The following KHDRBS2 variants were observed in gnomAD, a reference collection of about 807,000 sequenced individuals.
KHDRBS2 encodes the protein KH domain-containing, RNA-binding, signal transduction-associated protein 2.
KHDRBS2 carries 26 observed loss-of-function variants against 44.3 expected under a neutral mutation model. The ratio of observed to expected loss-of-function variants is 0.59; its 90% CI spans 0.43 to 0.81. KHDRBS2 has a LOEUF of 0.81. Among genes scored for constraint, KHDRBS2 ranks in the 40% least tolerant of loss-of-function variants. KHDRBS2 has a pLI of 0.00. For missense variants in KHDRBS2, 476 were observed against 433.1 expected (o/e 1.10, Z -0.88); for synonymous variants, 194 against 151.1 (o/e 1.28, Z -2.08).
chr6:62,061,212 CATT>C (rs1380852644), intron 2 of KHDRBS2, among the ~76,000 whole-genome samples: 1 of 151,100 alleles, frequency 6.6e-6, no homozygotes, highest in African/African-American at 2.4e-5. Flanking sequence ...TTGATCCTGT[CATT>C]ATGATGTTAG....
chr6:61,788,753 A>C (rs1307633480), intron 6 of KHDRBS2, among the ~76,000 whole-genome samples: 1 of 151,350 alleles, frequency 6.6e-6, no homozygotes, highest in Admixed American at 6.6e-5. Context: ...AGTTTTACTG[A>C]AACCAAATTG....
chr6:61,958,373 T>A (rs961655709), intron 4 of KHDRBS2, among the ~76,000 whole-genome samples: 1 of 152,150 alleles, frequency 6.6e-6, no homozygotes, highest in Non-Finnish European at 1.5e-5. Flanking sequence ...TACTTTCCTG[T>A]TTTGGGGATA....
intron 8 of KHDRBS2, 43 bp from the exon 9 acceptor site, chr6:61,681,103 G>A (rs1766243235): frequency 7.4e-7 from 1 of 1,346,726 alleles, no homozygotes; most frequent in African/African-American, 1.4e-5. Context: ...TGACTTCACA[G>A]TTACCAAAAA....
At chr6:62,156,424 C>T (rs1308184367) in intron 2 of KHDRBS2, among the ~76,000 whole-genome samples, 2 of 151,964 alleles carry the variant, frequency 1.3e-5, no homozygotes, top group African/African-American at 4.8e-5. Context: ...GAACTAAAAG[C>T]AAGATGAAGT....
intron 2 of KHDRBS2, among the ~76,000 whole-genome samples, chr6:62,058,576 C>A (rs1229411373): frequency 6.6e-6 from 1 of 151,868 alleles, no homozygotes; most frequent in Admixed American, 6.6e-5. Context: ...AGACACAGAT[C>A]AAAAATATTC....
At chr6:61,919,059 C>T (rs1807545802) in intron 4 of KHDRBS2, among the ~76,000 whole-genome samples, 1 of 151,800 alleles carries the variant, frequency 6.6e-6, no homozygotes, top group African/African-American at 2.4e-5. Context: ...GAAGACAATT[C>T]AACTATATGG....
chr6:61,740,533 G>A (rs1450411907), intron 6 of KHDRBS2, among the ~76,000 whole-genome samples: 1 of 151,822 alleles, frequency 6.6e-6, no homozygotes, highest in Non-Finnish European at 1.5e-5. Context: ...AATTACCAGG[G>A]CTTTGTAGAG....
chr6:61,588,686 G>A, the KHDRBS2 span, among the ~76,000 whole-genome samples: 1 of 152,000 alleles, frequency 6.6e-6, no homozygotes, highest in East Asian at 1.9e-4. Context: ...CAGTGGCTTG[G>A]GAGACTGAGG....
intron 6 of KHDRBS2, among the ~76,000 whole-genome samples, chr6:61,763,121 G>A (rs1779515525): frequency 2.6e-5 from 4 of 152,114 alleles, no homozygotes; most frequent in Admixed American, 2.6e-4. Flanking sequence ...TGTGATCTCA[G>A]TTAGAACAAG....
At chr6:61,941,176 A>T (rs182270470) in intron 4 of KHDRBS2, among the ~76,000 whole-genome samples, 56 of 152,280 alleles carry the variant, frequency 3.7e-4, no homozygotes, top group African/African-American at 1.2e-3. Flanking sequence ...AATCATTGGC[A>T]TCTGAACCTT....
At chr6:62,171,886 T>C (rs1186662582) in intron 2 of KHDRBS2, among the ~76,000 whole-genome samples, 1 of 152,080 alleles carries the variant, frequency 6.6e-6, no homozygotes, top group Non-Finnish European at 1.5e-5. Flanking sequence ...GCTAAGGAAA[T>C]TCATTAATAC....
At chr6:61,930,224 C>A (rs1809751354) in intron 4 of KHDRBS2, among the ~76,000 whole-genome samples, 1 of 152,052 alleles carries the variant, frequency 6.6e-6, no homozygotes, top group South Asian at 2.1e-4. Context: ...ATATTAAACT[C>A]CCCAGGCTCC....
intron 4 of KHDRBS2, among the ~76,000 whole-genome samples, chr6:61,940,927 C>T (rs569288503): frequency 4.3e-4 from 66 of 152,280 alleles, no homozygotes; most frequent in African/African-American, 1.4e-3. Flanking sequence ...ACCTGCTGGC[C>T]TAGGATGTTC....
intron 7 of KHDRBS2, among the ~76,000 whole-genome samples, chr6:61,712,193 A>G (rs1034237764): frequency 3.3e-5 from 5 of 151,832 alleles, no homozygotes; most frequent in African/African-American, 9.7e-5. Context: ...TTGAGGCAAT[A>G]TACATTACAG....
At chr6:62,105,272 A>C (rs1802915630) in intron 2 of KHDRBS2, among the ~76,000 whole-genome samples, 1 of 152,212 alleles carries the variant, frequency 6.6e-6, no homozygotes, top group Non-Finnish European at 1.5e-5. Flanking sequence ...CATCTCATTC[A>C]AACAGGCTGG....
intron 2 of KHDRBS2, among the ~76,000 whole-genome samples, chr6:62,132,722 C>T (rs113361605): frequency 6.6e-6 from 1 of 152,104 alleles, no homozygotes; most frequent in African/African-American, 2.4e-5. Context: ...TAAAACATGG[C>T]ATTATTATTT....
intron 6 of KHDRBS2, among the ~76,000 whole-genome samples, chr6:61,786,280 A>T (rs1260608085): frequency 6.6e-6 from 1 of 152,068 alleles, no homozygotes; most frequent in Non-Finnish European, 1.5e-5. Flanking sequence ...TCTTCTGAAA[A>T]ATATTCCATA....
intron 2 of KHDRBS2, among the ~76,000 whole-genome samples, chr6:62,063,652 G>A (rs1183156187): frequency 1.4e-5 from 2 of 148,040 alleles, no homozygotes; most frequent in Non-Finnish European, 3.0e-5. Context: ...AGCTATCTAT[G>A]ACAAACCCAC....
chr6:62,043,318 C>G (rs1013155899), intron 3 of KHDRBS2, among the ~76,000 whole-genome samples: 1 of 152,018 alleles, frequency 6.6e-6, no homozygotes, highest in Non-Finnish European at 1.5e-5. Flanking sequence ...AAACCAGCAG[C>G]TTTGTGGTTG....
Sources: allele counts gnomAD v4.1 joint callset (sites outside exome capture counted in the v4.1 genomes callset), GRCh38; gene constraint gnomAD v4.1.1; transcripts MANE v1.5; gene names NCBI Gene and HGNC (gene_info 2026-07-23, HGNC 2026-07-21).